ACVR1C: variants seen among roughly 807,000 people sequenced by gnomAD.
The protein encoded by ACVR1C is activin receptor type-1C.
Under a neutral mutation model 57.9 loss-of-function variants are expected in ACVR1C, and 23 were observed. The observed-to-expected ratio is 0.40, with a 90% CI of 0.29 to 0.56. The LOEUF (loss-of-function observed/expected upper bound fraction) is 0.56, where lower values mean the gene tolerates loss of function less well. Ranked by LOEUF, ACVR1C falls within the 20% of genes least tolerant of loss-of-function variation. The probability of loss-of-function intolerance (pLI) is 0.50; values close to 1 mark genes in which losing one functional copy is unlikely to be tolerated. For synonymous variants in ACVR1C, 214 were observed against 215.3 expected (o/e 0.99, Z 0.05); for missense variants, 480 against 607.9 (o/e 0.79, Z 2.21).
intron 1 of ACVR1C, among the ~76,000 whole-genome samples, chr2:157,615,877 T>C (rs774424382): frequency 1.3e-4 from 20 of 152,228 alleles, no homozygotes; most frequent in Non-Finnish European, 2.4e-4. Context: ...TTCTTAACTT[T>C]GTTCCTCTTT....
At position 157,626,250 on chromosome 2, in the gene ACVR1C, T is replaced by G. The variant is rs114117137; in HGVS notation, c.73+2322A>C. On this transcript the variant is annotated intron_variant, in intron 1 of 8. Transcript: ENST00000243349. Reference sequence around the variant, plus strand: ...TCCCAAAGTACTGGGATTAGAGGCGTGAGCCACTGCACCCAGCCAGCCTGA... The same window carrying G: ...TCCCAAAGTACTGGGATTAGAGGCGGGAGCCACTGCACCCAGCCAGCCTGA... Among the ~76,000 whole-genome samples, 1,316 of 152,350 alleles carry G rather than the reference T, an allele frequency of 8.6e-3. 14 individuals are homozygous for G. Among genetic ancestry groups the G allele is most frequent in the Middle Eastern group, 0.031 (9 of 294 alleles).
rs577580409 is a variant in ACVR1C, at chr2:157,598,377, C to T, written c.74-10960G>A. Reference sequence around the variant, plus strand: ...AAAAGAATAAAAATAAAATAGCTCACATTAAAAAAAGAAAAAAGAGCATTA... The same window carrying T: ...AAAAGAATAAAAATAAAATAGCTCATATTAAAAAAAGAAAAAAGAGCATTA... On this transcript the variant is annotated intron_variant, in intron 1 of 8. Transcript: ENST00000243349. Among the ~76,000 whole-genome samples the T allele has an allele frequency of 1.6e-3, 240 of 151,108 alleles. 1 individual carries two copies. The highest frequency in any genetic ancestry group is 5.7e-3 in the African/African-American group (234 of 41,228).
chr2:157,606,944 G>C (rs1403256555), intron 1 of ACVR1C, among the ~76,000 whole-genome samples: 1 of 151,618 alleles, frequency 6.6e-6, no homozygotes, highest in Non-Finnish European at 1.5e-5. Flanking sequence ...TATAGTTTCT[G>C]GTTTTACATT....
chr2:157,623,580 A>C (rs1008050980), intron 1 of ACVR1C, among the ~76,000 whole-genome samples: 4 of 150,802 alleles, frequency 2.7e-5, no homozygotes, highest in Admixed American at 6.6e-5. Flanking sequence ...GAGAATAGAA[A>C]GCTGGTTAGC....
chr2:157,530,038 A>G lies in ACVR1C; in HGVS notation c.*3880T>C, dbSNP rs952801509. ...TAGAACAAAGCATTGTCAAACAGAAATAGTATGTTTCACAAAAGATGTTTA... is the reference window on the plus strand; with the variant it reads ...TAGAACAAAGCATTGTCAAACAGAAGTAGTATGTTTCACAAAAGATGTTTA... On this transcript the variant is annotated 3_prime_UTR_variant, in exon 9 of 9. Transcript: ENST00000243349. 1.3e-5 allele frequency: 2 copies of G among 152,146 alleles called. No individual in the cohort carries two copies. The highest frequency in any genetic ancestry group is 2.9e-5 in the Non-Finnish European group (2 of 68,002). The allele number at this position is 152,146 out of a possible 1,614,324, so 9.4% of individuals were successfully genotyped here.
At chr2:157,565,448 C>A (rs1375239062) in intron 2 of ACVR1C, among the ~76,000 whole-genome samples, 1 of 152,122 alleles carries the variant, frequency 6.6e-6, no homozygotes, top group Non-Finnish European at 1.5e-5. Context: ...CAAGTTAATT[C>A]GCTTAGATCC....
intron 1 of ACVR1C, among the ~76,000 whole-genome samples, chr2:157,601,696 A>G (rs1437091921): frequency 2.0e-5 from 3 of 152,216 alleles, no homozygotes; most frequent in African/African-American, 4.8e-5. Flanking sequence ...GGTGCAGTAA[A>G]AAAGATCCTG....
intron 4 of ACVR1C, among the ~76,000 whole-genome samples, chr2:157,545,567 T>G (rs944615790): frequency 3.9e-5 from 6 of 152,164 alleles, no homozygotes; most frequent in African/African-American, 1.4e-4. Context: ...CATCAATGCT[T>G]TTGTCAGACA....
At chr2:157,537,029 A>G (rs1199609750) in intron 8 of ACVR1C, among the ~76,000 whole-genome samples, 2 of 152,178 alleles carry the variant, frequency 1.3e-5, no homozygotes, top group African/African-American at 4.8e-5. Context: ...AATACTACAC[A>G]GCAATGAAAA....
At chr2:157,538,917 GT>G (rs1687551873) in intron 7 of ACVR1C, among the ~76,000 whole-genome samples, 1 of 149,800 alleles carries the variant, frequency 6.7e-6, no homozygotes, top group South Asian at 2.1e-4. Flanking sequence ...TATTATAAAT[GT>G]TTTCATAACT....
intron 4 of ACVR1C, among the ~76,000 whole-genome samples, chr2:157,549,742 T>C (rs1340628482): frequency 6.6e-6 from 1 of 150,934 alleles, no homozygotes. Flanking sequence ...TCCCAGCACT[T>C]TGGGAGGCCG....
intron 8 of ACVR1C, among the ~76,000 whole-genome samples, chr2:157,535,024 G>T (rs577004685): frequency 6.6e-6 from 1 of 151,860 alleles, no homozygotes; most frequent in South Asian, 2.1e-4. Context: ...CAGGCATGGT[G>T]GTCCCAGCTA....
At chr2:157,540,739 C>T (rs1234760382) in intron 7 of ACVR1C, among the ~76,000 whole-genome samples, 1 of 152,198 alleles carries the variant, frequency 6.6e-6, no homozygotes, top group Non-Finnish European at 1.5e-5. Context: ...AAACTGAACC[C>T]TTCAAGTCCT....
chr2:157,581,026 C>T (rs1164669034), intron 2 of ACVR1C, among the ~76,000 whole-genome samples: 1 of 152,056 alleles, frequency 6.6e-6, no homozygotes, highest in Non-Finnish European at 1.5e-5. Flanking sequence ...GGCTTAGAGT[C>T]AGAATTCACT....
rs1440830132 is a variant in ACVR1C, at chr2:157,628,646, G to C, written c.-2C>G. The C allele has an allele frequency of 1.3e-6, 2 of 1,572,092 alleles. No homozygotes were observed. The highest frequency in any genetic ancestry group is 4.7e-5 in the East Asian group (2 of 42,384). On this transcript the variant is annotated 5_prime_UTR_variant, in exon 1 of 9. Transcript: ENST00000243349. The stretch of plus-strand genomic sequence containing the variant: ...CGCTGAGCAGAGCGCCCGGGTCATC[G>C]CCACCAGGCGGCCGCGCCGGGGCTG...
chr2:157,580,606 AT>A (rs1437846835), intron 2 of ACVR1C, among the ~76,000 whole-genome samples: 47 of 152,298 alleles, frequency 3.1e-4, no homozygotes, highest in Admixed American at 7.8e-4. Flanking sequence ...AATATCAATA[AT>A]TTTTTTCTAT....
intron 4 of ACVR1C, among the ~76,000 whole-genome samples, chr2:157,549,880 G>A (rs953465450): frequency 1.4e-5 from 2 of 147,276 alleles, no homozygotes; most frequent in African/African-American, 5.0e-5. Flanking sequence ...GCGGGCGCCT[G>A]TAGTCCAAGC....
At position 157,529,327 on chromosome 2, in the gene ACVR1C, C is replaced by T. The variant is rs1205653485; in HGVS notation, c.*4591G>A. ...ACTTAGCTCAACAACCATTCTACAA[C>T]TCTTTCTTAGCCTAGTTTAGTTTTT... On this transcript the variant is annotated 3_prime_UTR_variant, in exon 9 of 9. Coordinates refer to ENST00000243349, the MANE Select transcript of ACVR1C (RefSeq NM_145259.3). The T allele has an allele frequency of 6.6e-6, 1 of 152,154 alleles. No homozygotes were observed. The highest frequency in any genetic ancestry group is 2.4e-5 in the African/African-American group (1 of 41,450). The allele number at this position is 152,154 out of a possible 1,614,324, so 9.4% of individuals were successfully genotyped here. A position where few individuals can be genotyped will look rare whatever the true frequency, so the allele number is the denominator to read the frequency against.
Position 157,556,257 on chromosome 2 carries a change from A to G in ACVR1C, c.380T>C (p.Ile127Thr), listed in dbSNP as rs2105225307. 1 of 1,614,158 alleles carries G rather than the reference A, an allele frequency of 6.2e-7. No individual in the cohort carries two copies. Among genetic ancestry groups the G allele is most frequent in the Non-Finnish European group, 8.5e-7 (1 of 1,180,018 alleles). ...TGCCCATACTGTCAGCATCGCAGCT[A>G]TGGACAGGAGGCAAACAGGCACAGT... Reference protein sequence around the residue: ...IITVPVCLLSIAAMLTVWACQ... With the variant: ...IITVPVCLLSTAAMLTVWACQ... Residue 127 changes from isoleucine to threonine, a missense_variant, in exon 3 of 9, where the codon ATA (isoleucine) becomes ACA (threonine). Physicochemically the swap from Ile to Thr is moderately conservative, Grantham distance 89 (BLOSUM62 -1). Transcript: ENST00000243349.
Sources: allele counts gnomAD v4.1 joint callset (sites outside exome capture counted in the v4.1 genomes callset), GRCh38; gene constraint gnomAD v4.1.1; transcripts MANE v1.5; gene names NCBI Gene and HGNC (gene_info 2026-07-23, HGNC 2026-07-21).